The following KLF12 variants were observed in gnomAD, a reference collection of about 807,000 sequenced individuals.
KLF12 encodes the protein KLF transcription factor 12, also known as Krueppel-like factor 12.
KLF12 carries 9 observed loss-of-function variants against 37.8 expected under a neutral mutation model. The observed-to-expected ratio is 0.24, with a 90% CI of 0.14 to 0.42. The LOEUF is 0.42. Ranked by LOEUF, KLF12 falls within the 10% of genes least tolerant of loss-of-function variation. The pLI is 1.00. For missense variants in KLF12, 411 were observed against 516.0 expected, an observed-to-expected ratio of 0.80 and a Z score of 1.97; for synonymous variants, 208 against 202.1, an observed-to-expected ratio of 1.03 and a Z score of -0.25.
intron 1 of KLF12, among the ~76,000 whole-genome samples, chr13:74,045,396 C>T (rs1276030488): frequency 6.6e-6 from 1 of 152,018 alleles, no homozygotes; most frequent in Non-Finnish European, 1.5e-5. Flanking sequence ...ACAAAATACC[C>T]GACGAGCACA....
chr13:73,763,042 A>T (rs1879670140), intron 6 of KLF12, among the ~76,000 whole-genome samples: 1 of 152,196 alleles, frequency 6.6e-6, no homozygotes, highest in South Asian at 2.1e-4. Context: ...TCTATAAAGG[A>T]AACACTAGCT....
chr13:73,939,908 C>T lies in KLF12; in HGVS notation c.123+4073G>A, dbSNP rs548257722. Among the ~76,000 whole-genome samples, 8 of 152,260 alleles carry T rather than the reference C, an allele frequency of 5.3e-5. No homozygotes were observed. In the South Asian group the frequency reaches 1.7e-3, roughly 32 times the overall value. The stretch of plus-strand genomic sequence containing the variant: ...ATAAACAGAAAGGCTCTGTCTCACC[C>T]CTTGCTCCTCACCAGGATCATAGAA... On this transcript the variant is annotated intron_variant, in intron 3 of 7. Transcript: ENST00000377669.
chr13:73,973,365 C>A (rs1224253946), intron 2 of KLF12, among the ~76,000 whole-genome samples: 1 of 152,170 alleles, frequency 6.6e-6, no homozygotes, highest in Admixed American at 6.6e-5. Context: ...AAATAGTCTG[C>A]ATGCCTTTAT....
intron 6 of KLF12, among the ~76,000 whole-genome samples, chr13:73,750,595 G>A (rs545872102): frequency 2.6e-5 from 4 of 152,230 alleles, no homozygotes; most frequent in South Asian, 4.2e-4. Flanking sequence ...GCTGATGGGT[G>A]GGGGGACTGC....
intron 2 of KLF12, among the ~76,000 whole-genome samples, chr13:73,950,936 A>G (rs563961573): frequency 1.7e-4 from 26 of 152,340 alleles, no homozygotes; most frequent in African/African-American, 6.0e-4. Context: ...AGGAGTAGAG[A>G]GAAACCAGAA....
the KLF12 span, among the ~76,000 whole-genome samples, chr13:74,235,186 G>C: frequency 6.6e-6 from 1 of 152,156 alleles, no homozygotes; most frequent in Non-Finnish European, 1.5e-5. Flanking sequence ...CAAAAATTGG[G>C]CTTTGACTGC....
At chr13:73,958,303 G>T (rs1346055426) in intron 2 of KLF12, among the ~76,000 whole-genome samples, 1 of 151,868 alleles carries the variant, frequency 6.6e-6, no homozygotes, top group Non-Finnish European at 1.5e-5. Flanking sequence ...GAGTGCAGTG[G>T]TGCGATCTCG....
At chr13:73,782,971 G>GCAGAGACCTTGAAATTCC (rs1881066975) in intron 5 of KLF12, among the ~76,000 whole-genome samples, 1 of 152,194 alleles carries the variant, frequency 6.6e-6, no homozygotes, top group African/African-American at 2.4e-5. Context: ...GTGTTAAAGA[G>GCAGAGACCTTGAAATTCC]CAGAGACCTT....
intron 1 of KLF12, among the ~76,000 whole-genome samples, chr13:74,046,945 T>C (rs1449624534): frequency 2.0e-5 from 3 of 152,218 alleles, no homozygotes; most frequent in Admixed American, 1.3e-4. Context: ...CTATAAATTA[T>C]TGACTTTAAT....
At chr13:73,902,747 C>T (rs1859602368) in intron 3 of KLF12, among the ~76,000 whole-genome samples, 1 of 152,146 alleles carries the variant, frequency 6.6e-6, no homozygotes, top group Non-Finnish European at 1.5e-5. Flanking sequence ...TGTATAAGTA[C>T]TAAATATCCC....
At chr13:74,055,625 T>G (rs1158929449) in intron 1 of KLF12, among the ~76,000 whole-genome samples, 1 of 152,196 alleles carries the variant, frequency 6.6e-6, no homozygotes, top group Non-Finnish European at 1.5e-5. Context: ...TGGGCTTAGC[T>G]TCTCTGCAGC....
At chr13:74,269,814 T>C in the KLF12 span, among the ~76,000 whole-genome samples, 1 of 152,170 alleles carries the variant, frequency 6.6e-6, no homozygotes, top group South Asian at 2.1e-4. Context: ...TGATCTAAAT[T>C]TGGATAATGA....
intron 4 of KLF12, among the ~76,000 whole-genome samples, chr13:73,836,888 A>G (rs1294699485): frequency 6.6e-6 from 1 of 152,224 alleles, no homozygotes; most frequent in Non-Finnish European, 1.5e-5. Context: ...AACACAAACT[A>G]GGTCTTTTTA....
At chr13:74,305,511 T>TC in the KLF12 span, among the ~76,000 whole-genome samples, 1 of 151,886 alleles carries the variant, frequency 6.6e-6, no homozygotes, top group Admixed American at 6.6e-5. Context: ...TTACTCTCTC[T>TC]TTTTTTTAGG....
intron 5 of KLF12, chr13:73,800,017 A>G (rs1235534486): frequency 1.3e-5 from 2 of 152,144 alleles, no homozygotes; most frequent in Non-Finnish European, 2.9e-5. Context: ...CGTAGCCCAT[A>G]GCTATGTAAT....
chr13:73,866,857 A>G (rs1594189280), intron 3 of KLF12, among the ~76,000 whole-genome samples: 2 of 147,136 alleles, frequency 1.4e-5, no homozygotes, highest in South Asian at 2.2e-4. Context: ...CAATAATTAT[A>G]TTTTGAGGTT....
chr13:73,939,075 G>A (rs747004070), intron 3 of KLF12, among the ~76,000 whole-genome samples: 11 of 152,122 alleles, frequency 7.2e-5, no homozygotes, highest in Non-Finnish European at 5.9e-5. Context: ...GCCGGCCCAC[G>A]GATCAGAACT....
intron 3 of KLF12, among the ~76,000 whole-genome samples, chr13:73,933,305 C>A (rs1247531479): frequency 6.6e-6 from 1 of 152,080 alleles, no homozygotes; most frequent in Non-Finnish European, 1.5e-5. Context: ...CTTTTTCTAT[C>A]CTTTCACTTT....
chr13:74,215,062 G>C, the KLF12 span, among the ~76,000 whole-genome samples: 2 of 152,094 alleles, frequency 1.3e-5, no homozygotes. Context: ...CCAAAGTGCT[G>C]GGATTACAGG....
Sources: gnomAD v4.1 joint callset for allele counts (sites outside exome capture counted in the v4.1 genomes callset) on GRCh38, gnomAD v4.1.1 for gene constraint, MANE v1.5 for transcripts, NCBI Gene and HGNC (gene_info 2026-07-23, HGNC 2026-07-21) for gene names.